ZNF701: variants seen among roughly 807,000 people sequenced by gnomAD.
The protein encoded by ZNF701 is zinc finger protein 701.
A neutral mutation model predicts 7.1 loss-of-function variants in ZNF701; 6 were observed. The ratio of observed to expected loss-of-function variants is 0.84; its 90% CI spans 0.46 to 1.66. The LOEUF (loss-of-function observed/expected upper bound fraction) is 1.66, where lower values mean the gene tolerates loss of function less well. Ranked by LOEUF, ZNF701 falls within the 40% of genes most tolerant of loss-of-function variation. The pLI is 0.01. For missense variants in ZNF701, 541 were observed against 559.2 expected (o/e 0.97, Z 0.33); for synonymous variants, 166 against 188.2 (o/e 0.88, Z 0.97).
intron 3 of ZNF701, among the ~76,000 whole-genome samples, chr19:52,580,557 T>C (rs62117242): frequency 0.089 from 13,502 of 152,206 alleles, 655 homozygotes; most frequent in Middle Eastern, 0.14. Flanking sequence ...TAGTGCTGTG[T>C]ATAGTTTTGA....
the ZNF701 span, among the ~76,000 whole-genome samples, chr19:52,599,127 A>G: frequency 1.3e-5 from 2 of 151,856 alleles, no homozygotes; most frequent in African/African-American, 4.8e-5. Flanking sequence ...TCCCGAGTTC[A>G]AGCGATTCTC....
At chr19:52,571,796 A>G (rs892776331) in intron 1 of ZNF701, among the ~76,000 whole-genome samples, 5 of 150,534 alleles carry the variant, frequency 3.3e-5, no homozygotes, top group Admixed American at 1.3e-4. Context: ...CTGGAGTGCA[A>G]TGGTGTGATC....
At chr19:52,577,383 A>T (rs2059941740) in intron 3 of ZNF701, among the ~76,000 whole-genome samples, 1 of 152,174 alleles carries the variant, frequency 6.6e-6, no homozygotes, top group Non-Finnish European at 1.5e-5. Flanking sequence ...AAGATTACCT[A>T]GGTGCCAAGG....
downstream of ZNF701, among the ~76,000 whole-genome samples, chr19:52,587,612 A>AT (rs1276052744): frequency 6.6e-6 from 1 of 152,108 alleles, no homozygotes; most frequent in African/African-American, 2.4e-5. Context: ...GTTCTGTGTG[A>AT]TTCTTTTAGC....
the ZNF701 span, chr19:52,596,048 G>A: frequency 5.7e-6 from 8 of 1,402,232 alleles, no homozygotes; most frequent in Non-Finnish European, 8.1e-6. Context: ...TATTAAGTAT[G>A]GGAAGAATTT....
the ZNF701 span, among the ~76,000 whole-genome samples, chr19:52,595,339 G>A: frequency 8.6e-5 from 13 of 150,580 alleles, no homozygotes; most frequent in South Asian, 6.3e-4. Context: ...GCATGATCTC[G>A]CCTCACTGCA....
At chr19:52,578,560 A>G (rs183011530) in intron 3 of ZNF701, among the ~76,000 whole-genome samples, 39 of 152,202 alleles carry the variant, frequency 2.6e-4, no homozygotes, top group African/African-American at 8.9e-4. Flanking sequence ...ATTTATTACA[A>G]TCTCTCATCT....
At chr19:52,588,665 C>T, downstream of ZNF701, 2 of 324,566 alleles carry the variant, frequency 6.2e-6, no homozygotes, top group Non-Finnish European at 6.0e-6. Context: ...TTCTTAAATA[C>T]CAGGTATTGT....
Position 52,574,116 on chromosome 19 carries a change from G to A in ZNF701, c.-32G>A, listed in dbSNP as rs201712541. ...GACTTGGTACGTGAGGAAAAAACAC[G>A]GAAGAGGAAGAGGAAAGCAAAGGAG... On this transcript the variant is annotated 5_prime_UTR_variant, in exon 2 of 4. Transcript: ENST00000391785. 206 of 1,612,066 alleles carry A rather than the reference G, an allele frequency of 1.3e-4. No homozygotes were observed. The African/African-American group carries it at 1.3e-3, about 11-fold the overall frequency.
chr19:52,587,448 T>C (rs1256401715), downstream of ZNF701, among the ~76,000 whole-genome samples: 3 of 152,176 alleles, frequency 2.0e-5, no homozygotes, highest in Admixed American at 6.5e-5. Flanking sequence ...TGCCTAGGAC[T>C]CTCTGGCCCC....
chr19:52,599,656 C>G, the ZNF701 span, among the ~76,000 whole-genome samples: 1 of 152,200 alleles, frequency 6.6e-6, no homozygotes, highest in African/African-American at 2.4e-5. Flanking sequence ...TGTGTGAAAT[C>G]TTAACGTCTC....
At position 52,585,236 on chromosome 19, in the gene ZNF701, T is replaced by A. The variant is rs1354654306; in HGVS notation, c.*1779T>A. The A allele has an allele frequency of 6.6e-6, 1 of 152,280 alleles. No individual in the cohort carries two copies. The highest frequency in any genetic ancestry group is 2.4e-5 in the African/African-American group (1 of 41,388). 9.4% of individuals were successfully genotyped at this position (152,280 alleles called of 1,614,324 possible). The stretch of plus-strand genomic sequence containing the variant: ...ACCCGTCCTCCCGCCTCGCGCTGTT[T>A]CAGGTCCTCACCAGCGAGTTGGACT... On this transcript the variant is annotated 3_prime_UTR_variant, in exon 4 of 4. Coordinates refer to ENST00000391785, the MANE Select transcript of ZNF701 (RefSeq NM_018260.3).
At position 52,583,475 on chromosome 19, in the gene ZNF701, G is replaced by A. The variant is rs763615929; in HGVS notation, c.*18G>A. ...AATCTTAGAAGTGTAAATTTGCAAG[G>A]TTTTTAGGCAACAGTCAAACCTTGC... is the stretch of plus-strand genomic sequence containing the variant. On this transcript the variant is annotated 3_prime_UTR_variant, in exon 4 of 4. Coordinates refer to ENST00000391785, the MANE Select transcript of ZNF701 (RefSeq NM_018260.3). 1.9e-6 allele frequency: 3 copies of A among 1,609,204 alleles called. No individual in the cohort carries two copies. The South Asian group carries it at 3.3e-5, about 18-fold the overall frequency.
the ZNF701 span, chr19:52,596,980 C>A: frequency 1.2e-6 from 1 of 842,174 alleles, no homozygotes; most frequent in East Asian, 3.3e-5. Context: ...TATCATCAAG[C>A]AATCCATGGT....
chr19:52,581,165 G>A (rs1035358898), intron 3 of ZNF701, among the ~76,000 whole-genome samples: 1 of 152,146 alleles, frequency 6.6e-6, no homozygotes, highest in African/African-American at 2.4e-5. Flanking sequence ...GTCACAAAGT[G>A]CCTGTTCCAC....
In ZNF701 at chr19:52,583,452, T is replaced by C. The variant is rs1476902240; in HGVS notation, c.1393T>C (p.Ser465Pro). The change falls in exon 4 of 4, where the codon TCT becomes CCT. Residue 465 changes from serine (S) to proline (P), a missense_variant. Transcript: ENST00000391785. ...RHHRLHTGKK[S>P] ...TCATAGACTTCATACTGGAAAGAAA[T>C]CTTAGAAGTGTAAATTTGCAAGGTT... The C allele has an allele frequency of 6.2e-7, 1 of 1,610,550 alleles. No homozygotes were observed. The highest frequency in any genetic ancestry group is 1.3e-5 in the African/African-American group (1 of 74,686).
the ZNF701 span, among the ~76,000 whole-genome samples, chr19:52,593,641 C>T: frequency 3.2e-4 from 35 of 108,812 alleles, 10 homozygotes; most frequent in Admixed American, 1.0e-3. Context: ...ACTTCTCAGA[C>T]GGGGCGGCTG....
chr19:52,573,895 G>A (rs993378979), intron 1 of ZNF701, among the ~76,000 whole-genome samples, 182 bp from the exon 2 acceptor site: 8 of 152,328 alleles, frequency 5.3e-5, no homozygotes, highest in East Asian at 1.9e-4. Flanking sequence ...CTGCTGCAGC[G>A]TGTGAGGGCT....
rs1024456624 is a variant in ZNF701 at position 52,582,360 on chromosome 19, T to C, written c.301T>C (p.Trp101Arg). ...AGATATTCATGACTTTGTGTTTCAG[T>C]GGCAAGAAAATGAAACAAATGGCCA... Reference protein sequence around the residue: ...EKDIHDFVFQWQENETNGHEA... With the variant: ...EKDIHDFVFQRQENETNGHEA... Residue 101 changes from tryptophan to arginine, a missense_variant, in exon 4 of 4, where the codon TGG (tryptophan) becomes CGG (arginine). Trp to Arg is a moderately radical substitution (Grantham distance 101, BLOSUM62 -3). Coordinates refer to ENST00000391785, the MANE Select transcript of ZNF701 (RefSeq NM_018260.3). The C allele has an allele frequency of 1.7e-5, 27 of 1,613,658 alleles. No individual in the cohort carries two copies. The highest frequency in any genetic ancestry group is 2.2e-5 in the Non-Finnish European group (26 of 1,179,920).
Sources: gnomAD v4.1 joint callset for allele counts (sites outside exome capture counted in the v4.1 genomes callset) on GRCh38, gnomAD v4.1.1 for gene constraint, MANE v1.5 for transcripts, NCBI Gene and HGNC (gene_info 2026-07-23, HGNC 2026-07-21) for gene names.